YY1AP1: variants seen among roughly 807,000 people sequenced by gnomAD.
The protein encoded by YY1AP1 is YY1 associated protein 1.
YY1AP1 carries 43 observed loss-of-function variants against 39.9 expected under a neutral mutation model. The ratio of observed to expected loss-of-function variants is 1.08; its 90% confidence interval spans 0.84 to 1.39. The LOEUF is 1.39. Ranked by LOEUF, YY1AP1 falls within the 40% of genes most tolerant of loss-of-function variation. YY1AP1 has a pLI of 0.00. For synonymous variants in YY1AP1, 292 were observed against 331.3 expected (o/e 0.88, Z 1.29); for missense variants, 813 against 900.7 (o/e 0.90, Z 1.25).
intron 9 of YY1AP1, among the ~76,000 whole-genome samples, chr1:155,668,311 C>CA (rs1334720640): frequency 4.0e-5 from 6 of 151,450 alleles, no homozygotes; most frequent in Admixed American, 2.6e-4. Context: ...TATGTCTGAC[C>CA]AAAAAAACAA....
At chr1:155,667,642 G>A (rs1191578760) in intron 9 of YY1AP1, among the ~76,000 whole-genome samples, 1 of 152,082 alleles carries the variant, frequency 6.6e-6, no homozygotes, top group African/African-American at 2.4e-5. Context: ...TGGCCAACAT[G>A]GTGAAACCCC....
At chr1:155,672,370 G>C (rs397720580) in intron 7 of YY1AP1, 190 bp downstream of exon 7, 2 of 891,140 alleles carry the variant, frequency 2.2e-6, no homozygotes, top group African/African-American at 1.7e-5. Flanking sequence ...ACCCAGGCCC[G>C]GAGATTATCA....
intron 9 of YY1AP1, among the ~76,000 whole-genome samples, chr1:155,667,012 TA>T (rs894395648): frequency 2.3e-4 from 35 of 151,072 alleles, no homozygotes; most frequent in African/African-American, 7.8e-4. Context: ...AAAAATAAAA[TA>T]AAATAAATAA....
chr1:155,685,649 A>G (rs760080946), intron 2 of YY1AP1, among the ~76,000 whole-genome samples: 50 of 152,220 alleles, frequency 3.3e-4, no homozygotes, highest in Admixed American at 5.9e-4. Flanking sequence ...GATCCTGTCA[A>G]CATGTTCAAA....
At position 155,688,726 on chromosome 1, in the gene YY1AP1, C is replaced by G. The variant is rs780567044; in HGVS notation, c.-219G>C. On this transcript the variant is annotated 5_prime_UTR_variant, in exon 1 of 11. Coordinates refer to ENST00000355499, the MANE Select transcript of YY1AP1 (RefSeq NM_139119.3). ...TCCTCCCCCTCCCTCCCCGCCCGCA[C>G]GGCCACCAACCGCCGCCAAAGCAGC... is the stretch of plus-strand genomic sequence containing the variant. 1 of 1,516,896 alleles carries G rather than the reference C, an allele frequency of 6.6e-7. No individual in the cohort carries two copies. Among genetic ancestry groups the G allele is most frequent in the African/African-American group, 1.4e-5 (1 of 72,104 alleles). The allele number at this position is 1,516,896 out of a possible 1,614,324, so 94.0% of individuals were successfully genotyped here.
In YY1AP1 at chr1:155,668,727, G is replaced by C; in HGVS notation, c.779C>G (p.Pro260Arg). ...KHFEGTEFLN[P>R]LISKYLLTCK... Reference sequence around the variant, plus strand: ...GGTTAGAAGGTACTTGCTGATTAGAGGGTTAAGAAACTCAGTCCCTTCAAA... The same window carrying C: ...GGTTAGAAGGTACTTGCTGATTAGACGGTTAAGAAACTCAGTCCCTTCAAA... The change falls in exon 9 of 11, where the codon CCT becomes CGT. Residue 260 changes from proline to arginine, a missense_variant. Around this residue, in one of 3 missense-constraint regions of YY1AP1, gnomAD observed 586 missense variants for 647.4 expected, o/e 0.91. Transcript: ENST00000355499. 2.5e-6 allele frequency: 4 copies of C among 1,614,182 alleles called. No individual in the cohort carries two copies. Among genetic ancestry groups the C allele is most frequent in the Non-Finnish European group, 3.4e-6 (4 of 1,180,032 alleles).
intron 9 of YY1AP1, among the ~76,000 whole-genome samples, 170 bp from the exon 10 acceptor site, chr1:155,661,593 A>G (rs1273792444): frequency 2.6e-5 from 4 of 152,146 alleles, no homozygotes; most frequent in Non-Finnish European, 4.4e-5. Context: ...ATATACGAAT[A>G]GCATATGCTG....
chr1:155,660,764 C>T lies in YY1AP1; in HGVS notation c.1146G>A (p.Leu382=). The T allele has an allele frequency of 6.2e-7, 1 of 1,614,200 alleles. No individual in the cohort carries two copies. The highest frequency in any genetic ancestry group is 2.2e-5 in the East Asian group (1 of 44,890). The stretch of plus-strand genomic sequence containing the variant: ...TCAGGACTACACCCTTAGGCAATAG[C>T]AGTGGGTACCGAGTTTCACTCCCCA... ...SELGSETRYP[L]LLPKGVVLKL... Residue 382 remains leucine (L), a synonymous_variant, in exon 11 of 11, where the codon CTG becomes CTA. Transcript: ENST00000355499.
At chr1:155,679,689 C>G in intron 3 of YY1AP1, 177 bp from the exon 4 acceptor site, 48 of 985,392 alleles carry the variant, frequency 4.9e-5, no homozygotes, top group Non-Finnish European at 5.8e-5. Context: ...TATGGAATGA[C>G]TATTATGCCA....
rs2149065326 is a variant in YY1AP1 at position 155,680,433 on chromosome 1, C to T, written c.4G>A (p.Glu2Lys). 1.2e-6 allele frequency: 2 copies of T among 1,613,606 alleles called. No individual in the cohort carries two copies. The highest frequency in any genetic ancestry group is 1.7e-6 in the Non-Finnish European group (2 of 1,179,708). Residue 2 changes from glutamate (E) to lysine (K), a missense_variant, in exon 3 of 11, where the codon GAA becomes AAA. By Grantham distance (56) the Glu-to-Lys change is moderately conservative (BLOSUM62 1). Transcript: ENST00000355499. ...TTACTCACAGTTTCAAACAGATCTTCCATCAGCTCATTTGCTTCCTTTTCT... is the reference window on the plus strand; with the variant it reads ...TTACTCACAGTTTCAAACAGATCTTTCATCAGCTCATTTGCTTCCTTTTCT... MEDLFETFQDEM... is the reference protein window; with the variant it reads MKDLFETFQDEM...
At chr1:155,688,817 GTTCCATTCC>G (rs1653181687), upstream of YY1AP1, 3 of 1,567,380 alleles carry the variant, frequency 1.9e-6, no homozygotes, top group African/African-American at 1.4e-5. Flanking sequence ...CCGCGGGACT[GTTCCATTCC>G]TGGCGGCTGC....
At chr1:155,667,961 C>T (rs930364303) in intron 9 of YY1AP1, among the ~76,000 whole-genome samples, 2 of 150,806 alleles carry the variant, frequency 1.3e-5, no homozygotes, top group Non-Finnish European at 2.9e-5. Context: ...CAAACACACA[C>T]ACACACACAC....
intron 9 of YY1AP1, among the ~76,000 whole-genome samples, chr1:155,662,407 C>T (rs1011839115): frequency 1.3e-5 from 2 of 151,458 alleles, no homozygotes; most frequent in African/African-American, 4.9e-5. Context: ...AAAAGAATCG[C>T]TTGAACCTGG....
intron 2 of YY1AP1, among the ~76,000 whole-genome samples, chr1:155,682,941 C>T (rs909780744): frequency 6.6e-6 from 1 of 151,850 alleles, no homozygotes; most frequent in Non-Finnish European, 1.5e-5. Context: ...CAAAAATTAG[C>T]CTAGCGTGGT....
intron 2 of YY1AP1, among the ~76,000 whole-genome samples, chr1:155,683,244 G>C (rs1204322311): frequency 6.6e-6 from 1 of 152,166 alleles, no homozygotes; most frequent in Non-Finnish European, 1.5e-5. Context: ...AAGGGATCTT[G>C]TTTTGTCCAT....
rs533867635 is a variant in YY1AP1 at position 155,688,239 on chromosome 1, G to A, written c.-151-38C>T. On this transcript the variant is annotated intron_variant, in intron 1 of 10. Transcript: ENST00000355499. The stretch of plus-strand genomic sequence containing the variant: ...CGAGAGAGGAGAAGGGAAAGGTGGA[G>A]GGCTAAAGGGGCAAACTGAGAGGAG... 4.3e-5 allele frequency: 69 copies of A among 1,610,904 alleles called. No individual in the cohort carries two copies. Among genetic ancestry groups the A allele is most frequent in the East Asian group, 2.0e-4 (9 of 44,780 alleles).
intron 6 of YY1AP1, among the ~76,000 whole-genome samples, chr1:155,673,995 A>C (rs945135812): frequency 1.1e-4 from 17 of 151,984 alleles, no homozygotes; most frequent in Non-Finnish European, 8.8e-5. Context: ...CCCCGTCTCT[A>C]CTAAAAATAC....
chr1:155,672,522 G>T (rs375826903), intron 7 of YY1AP1, 38 bp downstream of exon 7: 7 of 1,602,978 alleles, frequency 4.4e-6, no homozygotes, highest in Non-Finnish European at 6.0e-6. Context: ...ACCTCTCACC[G>T]CAAGTAAAAA....
At position 155,659,534 on chromosome 1, in the gene YY1AP1, G is replaced by T; in HGVS notation, c.*123C>A. ...GCAGGCTAAAGCAAGCTGCTCAAGA[G>T]CCCCAGTTGCAAAATCTGGGGTTTA... On this transcript the variant is annotated 3_prime_UTR_variant, in exon 11 of 11. Coordinates refer to ENST00000355499, the MANE Select transcript of YY1AP1 (RefSeq NM_139119.3). 1 of 977,066 alleles carries T rather than the reference G, an allele frequency of 1.0e-6. No individual in the cohort carries two copies. Among genetic ancestry groups the T allele is most frequent in the Non-Finnish European group, 1.5e-6 (1 of 649,122 alleles). 60.5% of individuals were successfully genotyped at this position (977,066 alleles called of 1,614,324 possible).
Sources: gnomAD v4.1 joint callset for allele counts (sites outside exome capture counted in the v4.1 genomes callset) on GRCh38, gnomAD v4.1.1 for gene constraint, gnomAD v4.1.1 regional missense constraint, MANE v1.5 for transcripts, NCBI Gene and HGNC (gene_info 2026-07-23, HGNC 2026-07-21) for gene names.